Variants in TRAPPC9 observed in about 807,000 individuals in gnomAD.
TRAPPC9 encodes IKK2 binding protein.
In TRAPPC9, 83 loss-of-function variants were observed where a neutral mutation model predicts 124.0. That is an observed-to-expected ratio of 0.67 (90% confidence interval 0.56 to 0.80). The LOEUF is 0.80. Ranked by LOEUF, TRAPPC9 falls within the 30% of genes least tolerant of loss-of-function variation. The probability of loss-of-function intolerance (pLI) is 0.00; values close to 1 mark genes in which losing one functional copy is unlikely to be tolerated. For synonymous variants in TRAPPC9, 638 were observed against 617.5 expected (o/e 1.03, Z -0.49); for missense variants, 1,302 against 1,508.3 (o/e 0.86, Z 2.27).
chr8:140,203,575 G>T (rs1449455933), intron 17 of TRAPPC9, among the ~76,000 whole-genome samples: 1 of 152,202 alleles, frequency 6.6e-6, no homozygotes, highest in Non-Finnish European at 1.5e-5. Context: ...AACTTCACCT[G>T]ATGAATGGCA....
Position 140,014,892 on chromosome 8 carries a change from C to T in TRAPPC9, c.2699+9045G>A, listed in dbSNP as rs116668125. Among the ~76,000 whole-genome samples, 1,120 of 152,332 alleles carry T rather than the reference C, an allele frequency of 7.4e-3. 15 individuals are homozygous for T. The highest frequency in any genetic ancestry group is 0.026 in the African/African-American group (1,079 of 41,576). ...ACCCAGGGCATGCCCTGGAGTCTAG[C>T]AGGCCGTGAATAAATAGGACTGCTC... On this transcript the variant is annotated intron_variant, in intron 18 of 22. Transcript: ENST00000438773.
At chr8:140,453,977 C>G (rs2977456) in intron 1 of TRAPPC9, among the ~76,000 whole-genome samples, 84,572 of 152,078 alleles carry the variant, frequency 0.56, 23,712 homozygotes, top group Non-Finnish European at 0.57. Flanking sequence ...CCGCAGGTAA[C>G]AAAGGGCCTT....
At chr8:140,396,514 G>A (rs991007926) in intron 7 of TRAPPC9, among the ~76,000 whole-genome samples, 1 of 150,880 alleles carries the variant, frequency 6.6e-6, no homozygotes, top group Non-Finnish European at 1.5e-5. Flanking sequence ...AAGCCCTCCC[G>A]CTCAGACTCT....
chr8:140,197,800 G>C (rs368638267), intron 17 of TRAPPC9, among the ~76,000 whole-genome samples: 1 of 151,806 alleles, frequency 6.6e-6, no homozygotes, highest in Non-Finnish European at 1.5e-5. Flanking sequence ...GAGCCAGCAC[G>C]GGCTAAAGAC....
intron 10 of TRAPPC9, among the ~76,000 whole-genome samples, chr8:140,304,439 C>A (rs1197582184): frequency 6.6e-6 from 1 of 151,980 alleles, no homozygotes; most frequent in African/African-American, 2.4e-5. Flanking sequence ...TGTTTCCGGG[C>A]ATAGGACGTT....
At chr8:139,921,885 C>T (rs561860408) in intron 19 of TRAPPC9, among the ~76,000 whole-genome samples, 2 of 150,730 alleles carry the variant, frequency 1.3e-5, no homozygotes, top group African/African-American at 4.9e-5. Context: ...TGCACACCTG[C>T]CCCCCACTGC....
intron 18 of TRAPPC9, among the ~76,000 whole-genome samples, chr8:139,989,789 G>A (rs1287435110): frequency 2.0e-5 from 3 of 152,152 alleles, no homozygotes; most frequent in Non-Finnish European, 1.5e-5. Flanking sequence ...GAAAAGTCCA[G>A]CCCCAAACGC....
chr8:139,943,023 AAAG>A (rs1254797172), intron 19 of TRAPPC9, among the ~76,000 whole-genome samples: 1 of 152,242 alleles, frequency 6.6e-6, no homozygotes, highest in Non-Finnish European at 1.5e-5. Flanking sequence ...GCTAAGGAGA[AAAG>A]AACAAAACTG....
chr8:140,272,130 C>CGATGAT (rs2064930084), intron 15 of TRAPPC9, among the ~76,000 whole-genome samples: 11 of 100,382 alleles, frequency 1.1e-4, no homozygotes, highest in African/African-American at 3.8e-4. Context: ...GTGATGGTGG[C>CGATGAT]GATGGTGATG....
Position 140,216,712 on chromosome 8 carries a change from C to T in TRAPPC9, c.2556+4747G>A, listed in dbSNP as rs566297206. Among the ~76,000 whole-genome samples, 6 of 152,310 alleles carry T rather than the reference C, an allele frequency of 3.9e-5. No individual in the cohort carries two copies. The South Asian group carries it at 1.0e-3, about 26-fold the overall frequency. ...TTCAGGGGCCTCTGCACCTGCCAGC[C>T]GCAGGTTCGGGAATGCCCTCTCCAC... On this transcript the variant is annotated intron_variant, in intron 17 of 22. Transcript: ENST00000438773. This position sits in a 1 kb window ranked among gnomAD's most constrained non-coding sequence, Gnocchi z 4.1.
At chr8:140,455,581 C>T (rs2071627231) in intron 1 of TRAPPC9, among the ~76,000 whole-genome samples, 1 of 152,118 alleles carries the variant, frequency 6.6e-6, no homozygotes, top group Non-Finnish European at 1.5e-5. Context: ...CAGGCGCCCA[C>T]CACCATGCCC....
chr8:140,008,073 C>T (rs1207117984), intron 18 of TRAPPC9, among the ~76,000 whole-genome samples: 3 of 152,114 alleles, frequency 2.0e-5, no homozygotes, highest in Admixed American at 6.5e-5. Flanking sequence ...CCAGCTCCTG[C>T]CCTCCACAGA....
chr8:139,878,392 A>G (rs930668480), intron 21 of TRAPPC9, among the ~76,000 whole-genome samples: 2 of 152,182 alleles, frequency 1.3e-5, no homozygotes, highest in Admixed American at 6.5e-5. Context: ...TTTTTTATCT[A>G]TGTTTTCTGA....
intron 19 of TRAPPC9, among the ~76,000 whole-genome samples, chr8:139,965,283 T>A (rs572731691): frequency 1.3e-5 from 2 of 152,230 alleles, no homozygotes; most frequent in African/African-American, 4.8e-5. Flanking sequence ...TTTTCTGAAA[T>A]GTGCCCTCTA....
At chr8:140,365,695 C>T (rs1172666630) in intron 8 of TRAPPC9, among the ~76,000 whole-genome samples, 1 of 152,210 alleles carries the variant, frequency 6.6e-6, no homozygotes, top group African/African-American at 2.4e-5. Flanking sequence ...ACCTAAAATA[C>T]CAAGAAACAG....
chr8:139,790,702 G>A (rs1285186061), intron 21 of TRAPPC9, among the ~76,000 whole-genome samples: 1 of 152,208 alleles, frequency 6.6e-6, no homozygotes, highest in Non-Finnish European at 1.5e-5. Flanking sequence ...AGGATGATGG[G>A]CCCCAAATGT....
At chr8:139,899,196 A>G (rs1220640008) in intron 20 of TRAPPC9, among the ~76,000 whole-genome samples, 3 of 151,992 alleles carry the variant, frequency 2.0e-5, no homozygotes, top group African/African-American at 7.2e-5. Context: ...ACCCTTGAAC[A>G]GCATGGGGTC....
chr8:140,188,387 T>C (rs2062398469), intron 17 of TRAPPC9, among the ~76,000 whole-genome samples: 1 of 152,226 alleles, frequency 6.6e-6, no homozygotes, highest in African/African-American at 2.4e-5. Flanking sequence ...GCTGCCCTAA[T>C]GGGCCCTCGG....
At chr8:140,107,828 G>A (rs147707388) in intron 17 of TRAPPC9, among the ~76,000 whole-genome samples, 349 of 152,210 alleles carry the variant, frequency 2.3e-3, no homozygotes, top group African/African-American at 7.6e-3. Flanking sequence ...GGGTCACGGA[G>A]GCAGCACAGA....
Sources: gnomAD v4.1 joint callset for allele counts (sites outside exome capture counted in the v4.1 genomes callset) on GRCh38, gnomAD v4.1.1 for gene constraint, Gnocchi (gnomAD v3.1) non-coding constraint, MANE v1.5 for transcripts, NCBI Gene and HGNC (gene_info 2026-07-23, HGNC 2026-07-21) for gene names.